The following ATP8A1 variants were observed in gnomAD, a reference collection of about 807,000 sequenced individuals.
ATP8A1 encodes phospholipid-transporting ATPase IA.
A neutral mutation model predicts 177.7 loss-of-function variants in ATP8A1; 90 were observed. That is an observed-to-expected ratio of 0.51 (90% confidence interval 0.43 to 0.60). The LOEUF (loss-of-function observed/expected upper bound fraction) is 0.60, where lower values mean the gene tolerates loss of function less well. ATP8A1 is among the 20% of genes least tolerant of loss of function. The pLI is 0.00. For missense variants in ATP8A1, 1,072 were observed against 1,392.8 expected (o/e 0.77, Z 3.67); for synonymous variants, 493 against 485.9 (o/e 1.01, Z -0.19).
intron 19 of ATP8A1, among the ~76,000 whole-genome samples, chr4:42,546,419 C>A (rs552987565): frequency 1.8e-5 from 2 of 113,508 alleles, no homozygotes; most frequent in South Asian, 5.6e-4. Context: ...CATCACACAC[C>A]GGGGACTGTT....
chr4:42,486,137 C>A (rs548900227), intron 24 of ATP8A1, among the ~76,000 whole-genome samples: 1 of 152,140 alleles, frequency 6.6e-6, no homozygotes, highest in Non-Finnish European at 1.5e-5. Flanking sequence ...TATAACCTGA[C>A]GCGTTCACCC....
chr4:42,453,875 T>C (rs1577963500), intron 29 of ATP8A1, among the ~76,000 whole-genome samples: 2 of 152,268 alleles, frequency 1.3e-5, no homozygotes, highest in East Asian at 3.9e-4. Context: ...GAGGCCATAG[T>C]CTGATTGTGG....
intron 15 of ATP8A1, among the ~76,000 whole-genome samples, chr4:42,560,876 C>T (rs1190668197): frequency 6.6e-6 from 1 of 151,898 alleles, no homozygotes; most frequent in African/African-American, 2.4e-5. Context: ...ATTGCAAAAA[C>T]CACAATTACT....
At chr4:42,496,827 C>CAT (rs1049177185) in intron 24 of ATP8A1, among the ~76,000 whole-genome samples, 4 of 151,624 alleles carry the variant, frequency 2.6e-5, no homozygotes, top group Non-Finnish European at 4.4e-5. Flanking sequence ...TATATACGTA[C>CAT]ATATATATAC....
Position 42,522,188 on chromosome 4 carries a change from A to G in ATP8A1, c.1919T>C (p.Leu640Pro). Reference protein sequence around the residue: ...STSVQNRLLKLEESYELIEKN... With the variant: ...STSVQNRLLKPEESYELIEKN... ...TTCAATCAACTCATAACTCTCTTCG[A>G]GTTTGAGTAGCCTGTTCTGCACAGA... is the stretch of plus-strand genomic sequence containing the variant. Residue 640 changes from leucine (L) to proline (P), a missense_variant, in exon 22 of 37, where the codon CTC (leucine) becomes CCC (proline). Coordinates refer to ENST00000381668, the MANE Select transcript of ATP8A1 (RefSeq NM_006095.2). The G allele has an allele frequency of 6.2e-7, 1 of 1,612,590 alleles. No homozygotes were observed. The highest frequency in any genetic ancestry group is 8.5e-7 in the Non-Finnish European group (1 of 1,179,636).
intron 7 of ATP8A1, among the ~76,000 whole-genome samples, chr4:42,589,077 T>G (rs1228729547): frequency 6.6e-6 from 1 of 152,148 alleles, no homozygotes; most frequent in African/African-American, 2.4e-5. Context: ...AAATCTGGTG[T>G]GTGGCGGCTG....
intron 1 of ATP8A1, among the ~76,000 whole-genome samples, chr4:42,641,571 C>T (rs1195558215): frequency 1.3e-5 from 2 of 152,050 alleles, no homozygotes; most frequent in African/African-American, 4.8e-5. Flanking sequence ...CGCAAGTTTT[C>T]CGCATTTTGT....
intron 24 of ATP8A1, among the ~76,000 whole-genome samples, chr4:42,489,340 C>T (rs562703696): frequency 9.2e-5 from 14 of 152,268 alleles, no homozygotes; most frequent in South Asian, 2.1e-4. Flanking sequence ...CTGTGGTCCC[C>T]GCTCTCCCTC....
chr4:42,440,309 T>C (rs186820497), intron 33 of ATP8A1, among the ~76,000 whole-genome samples: 1 of 150,522 alleles, frequency 6.6e-6, no homozygotes, highest in East Asian at 2.0e-4. Flanking sequence ...AATCAGGTCA[T>C]GACACTTCCC....
chr4:42,562,403 A>ACTG (rs757203165), intron 15 of ATP8A1: 125 of 154,370 alleles, frequency 8.1e-4, no homozygotes, highest in African/African-American at 2.2e-3. Context: ...TGGGGGACCC[A>ACTG]CTGCTGCTGC....
intron 14 of ATP8A1, 27 bp from the exon 15 acceptor site, chr4:42,569,232 A>G: frequency 6.3e-7 from 1 of 1,584,812 alleles, no homozygotes; most frequent in South Asian, 1.1e-5. Flanking sequence ...GAGAGGCAGA[A>G]AGAGAGGAAA....
chr4:42,512,869 T>C (rs573135088), intron 22 of ATP8A1, among the ~76,000 whole-genome samples: 1 of 152,350 alleles, frequency 6.6e-6, no homozygotes, highest in South Asian at 2.1e-4. Flanking sequence ...ACTGCTGATC[T>C]AGAGCAGGGC....
intron 27 of ATP8A1, among the ~76,000 whole-genome samples, chr4:42,461,927 T>C (rs1719206345): frequency 6.6e-6 from 1 of 152,148 alleles, no homozygotes; most frequent in South Asian, 2.1e-4. Flanking sequence ...AGGCGACTCT[T>C]GGTATGTTTT....
chr4:42,602,768 C>G (rs926583167), intron 5 of ATP8A1, among the ~76,000 whole-genome samples: 2 of 150,630 alleles, frequency 1.3e-5, no homozygotes, highest in Admixed American at 6.6e-5. Context: ...GACTCCGTCT[C>G]AAAAATAAAA....
At chr4:42,583,960 T>C (rs997544216) in intron 9 of ATP8A1, among the ~76,000 whole-genome samples, 5 of 152,192 alleles carry the variant, frequency 3.3e-5, no homozygotes, top group African/African-American at 4.8e-5. Context: ...AAATCTATCA[T>C]TAGTCTTTAA....
chr4:42,622,031 T>C (rs1000698628), intron 4 of ATP8A1, among the ~76,000 whole-genome samples: 1 of 152,210 alleles, frequency 6.6e-6, no homozygotes, highest in African/African-American at 2.4e-5. Context: ...TAGCCATATG[T>C]AGAAGACTGA....
chr4:42,419,895 A>G (rs1360945500), intron 35 of ATP8A1, among the ~76,000 whole-genome samples: 1 of 151,940 alleles, frequency 6.6e-6, no homozygotes, highest in Non-Finnish European at 1.5e-5. Context: ...CCCAGCTACT[A>G]GGGAGGCTGA....
chr4:42,448,184 T>C (rs879577994), intron 30 of ATP8A1, among the ~76,000 whole-genome samples: 2 of 152,140 alleles, frequency 1.3e-5, no homozygotes, highest in Admixed American at 6.5e-5. Context: ...AGAAAAATGG[T>C]ATTGTTTGGG....
intron 5 of ATP8A1, among the ~76,000 whole-genome samples, chr4:42,605,420 G>A (rs1414186669): frequency 1.6e-5 from 2 of 122,242 alleles, no homozygotes; most frequent in Non-Finnish European, 3.7e-5. Context: ...ACAGATGTTT[G>A]TTAGTTCACA....
Sources: allele counts gnomAD v4.1 joint callset (sites outside exome capture counted in the v4.1 genomes callset), GRCh38; gene constraint gnomAD v4.1.1; transcripts MANE v1.5; gene names NCBI Gene and HGNC (gene_info 2026-07-23, HGNC 2026-07-21).